Variants in BTBD8 observed in about 807,000 individuals in gnomAD.
BTBD8 encodes the protein BTB domain containing 8, also known as BTB/POZ domain-containing protein 8.
A neutral mutation model predicts 162.9 loss-of-function variants in BTBD8; 110 were observed. The ratio of observed to expected loss-of-function variants is 0.68; its 90% CI spans 0.58 to 0.79. BTBD8 has a LOEUF of 0.79. Among genes scored for constraint, BTBD8 ranks in the 30% least tolerant of loss-of-function variants. The probability of loss-of-function intolerance (pLI) is 0.00; values close to 1 mark genes in which losing one functional copy is unlikely to be tolerated. For missense variants in BTBD8, 1,905 were observed against 2,085.4 expected, an observed-to-expected ratio of 0.91 and a Z score of 1.68; for synonymous variants, 667 against 716.1, an observed-to-expected ratio of 0.93 and a Z score of 1.10.
At position 92,177,318 on chromosome 1, in the gene BTBD8, T is replaced by C. The variant is rs766568976; in HGVS notation, c.2125T>C (p.Leu709=). 1.3e-6 allele frequency: 2 copies of C among 1,551,908 alleles called. No homozygotes were observed. Among genetic ancestry groups the C allele is most frequent in the East Asian group, 2.4e-5 (1 of 40,922 alleles). ...NLNVQAKAKP[L]KKATGKDSPC... is the part of the protein sequence containing the mutation. The stretch of plus-strand genomic sequence containing the variant: ...AAATGTGCAAGCCAAAGCAAAGCCT[T>C]TGAAGAAAGCTACAGGGAAGGATTC... The change falls in exon 14 of 18, where the codon TTG becomes CTG. Residue 709 remains leucine (L), a synonymous_variant. Transcript: ENST00000636805.
At chr1:92,157,496 A>G (rs1267226646) in intron 9 of BTBD8, among the ~76,000 whole-genome samples, 2 of 151,838 alleles carry the variant, frequency 1.3e-5, no homozygotes, top group African/African-American at 4.8e-5. Flanking sequence ...CATTATTCTT[A>G]TTTACTTATT....
intron 5 of BTBD8, among the ~76,000 whole-genome samples, chr1:92,131,214 A>G (rs1271200003): frequency 6.6e-6 from 1 of 152,198 alleles, no homozygotes; most frequent in Non-Finnish European, 1.5e-5. Context: ...TGGCTGTTCA[A>G]TGGTCTTTAT....
chr1:92,097,436 G>T (rs1400079806), intron 2 of BTBD8, among the ~76,000 whole-genome samples: 2 of 152,004 alleles, frequency 1.3e-5, no homozygotes, highest in Admixed American at 1.3e-4. Flanking sequence ...AAGTGTATGA[G>T]TCAGTGGTTT....
intron 3 of BTBD8, among the ~76,000 whole-genome samples, chr1:92,103,568 C>A (rs1648652572): frequency 6.6e-6 from 1 of 152,154 alleles, no homozygotes. Flanking sequence ...TGTTACCTAG[C>A]CCATGCAGTG....
intron 1 of BTBD8, among the ~76,000 whole-genome samples, chr1:92,084,107 A>C (rs1486657824): frequency 6.6e-6 from 1 of 152,160 alleles, no homozygotes; most frequent in Non-Finnish European, 1.5e-5. Context: ...TGCCAATTTT[A>C]CCAACTCGTG....
In BTBD8 at chr1:92,112,423, T is replaced by A. The variant is rs576802817; in HGVS notation, c.662+4422T>A. On this transcript the variant is annotated intron_variant, in intron 4 of 17. Transcript: ENST00000636805. The stretch of plus-strand genomic sequence containing the variant: ...GTCTCAAAAAAAATTAAAATCAAAC[T>A]AGGTATCATAGTGTATATATGTATT... Among the ~76,000 whole-genome samples the A allele has an allele frequency of 3.0e-4, 46 of 152,074 alleles. 1 individual carries two copies. Among genetic ancestry groups the A allele is most frequent in the Admixed American group, 2.9e-3 (45 of 15,258 alleles).
Position 92,180,765 on chromosome 1 carries a change from T to A in BTBD8, c.3082T>A (p.Cys1028Ser). ...AGAAAAAGAGAAGTTGGCGTTAGAATGCCAAAATATTTCAAAGCTGGATAA... is the reference window on the plus strand; with the variant it reads ...AGAAAAAGAGAAGTTGGCGTTAGAAAGCCAAAATATTTCAAAGCTGGATAA... ...DQEKEKLALECQNISKLDKSL... is the reference protein window; with the variant it reads ...DQEKEKLALESQNISKLDKSL... The change falls in exon 17 of 18, where the codon TGC (cysteine) becomes AGC (serine). Residue 1028 changes from cysteine (C) to serine (S), a missense_variant. This residue lies in a region of BTBD8 where 1,374 missense variants were observed against 1,442.7 expected (regional missense o/e 0.95). Coordinates refer to ENST00000636805, the MANE Select transcript of BTBD8 (RefSeq NM_001376131.1). The A allele has an allele frequency of 6.4e-7, 1 of 1,551,698 alleles. No individual in the cohort carries two copies. The highest frequency in any genetic ancestry group is 1.7e-4 in the Middle Eastern group (1 of 5,992).
chr1:92,138,343 A>G (rs577558105), intron 5 of BTBD8, among the ~76,000 whole-genome samples: 1 of 152,384 alleles, frequency 6.6e-6, no homozygotes, highest in African/African-American at 2.4e-5. Context: ...TTTTGTGTAT[A>G]TTGAACCATC....
At position 92,151,781 on chromosome 1, in the gene BTBD8, T is replaced by C. The variant is rs550716976; in HGVS notation, c.1122+3995T>C. Among the ~76,000 whole-genome samples the C allele has an allele frequency of 6.6e-5, 10 of 152,320 alleles. No homozygotes were observed. In the East Asian group the frequency reaches 1.7e-3, roughly 26 times the overall value. On this transcript the variant is annotated intron_variant, in intron 9 of 17. Transcript: ENST00000636805. ...ATTCTCATGGCTTAGCTCCCACTTA[T>C]AAGTGAATGGAATATATACAGTATT...
At chr1:92,099,814 A>C (rs936537940) in intron 2 of BTBD8, among the ~76,000 whole-genome samples, 4 of 152,238 alleles carry the variant, frequency 2.6e-5, no homozygotes, top group Non-Finnish European at 5.9e-5. Flanking sequence ...ATCTATAAAT[A>C]AAGATAGCTT....
chr1:92,151,659 T>G (rs1005193195), intron 9 of BTBD8, among the ~76,000 whole-genome samples: 1 of 152,188 alleles, frequency 6.6e-6, no homozygotes, highest in East Asian at 1.9e-4. Context: ...CAATGTACAC[T>G]GCACCCAATA....
In BTBD8 at chr1:92,182,064, G is replaced by T. The variant is rs781473627; in HGVS notation, c.4381G>T (p.Ala1461Ser). The T allele has an allele frequency of 5.7e-5, 89 of 1,551,394 alleles. 1 individual carries two copies. In the East Asian group the frequency reaches 2.1e-3, roughly 36 times the overall value. Residue 1461 changes from alanine to serine, a missense_variant, in exon 17 of 18, where the codon GCT (alanine) becomes TCT (serine). Physicochemically the swap from Ala to Ser is moderately conservative, Grantham distance 99. Around this residue, in one of 3 missense-constraint regions of BTBD8, gnomAD observed 517 missense variants for 606.6 expected, o/e 0.85. Transcript: ENST00000636805. ...DEGEVHTPFQ[A>S]SVDSFSPSDV... The stretch of plus-strand genomic sequence containing the variant: ...AGGAGAAGTCCATACTCCCTTTCAG[G>T]CTTCTGTAGATTCTTTTTCACCTTC...
chr1:92,182,381 T>G lies in BTBD8; in HGVS notation c.4698T>G (p.Ile1566Met). The G allele has an allele frequency of 1.3e-6, 2 of 1,549,646 alleles. No homozygotes were observed. Among genetic ancestry groups the G allele is most frequent in the Non-Finnish European group, 1.7e-6 (2 of 1,146,418 alleles). ...VNNGSNVEND[I>M]QQRSKFLDSD... is the part of the protein sequence containing the mutation. ...ATGGAAGCAATGTGGAAAATGACAT[T>G]CAGCAACGCAGCAAATTCTTGGATA... Residue 1566 changes from isoleucine (I) to methionine (M), a missense_variant, in exon 17 of 18, where the codon ATT becomes ATG. Ile to Met is a conservative substitution (Grantham distance 10). Transcript: ENST00000636805.
chr1:92,127,393 A>C (rs1367863926), intron 4 of BTBD8, among the ~76,000 whole-genome samples: 6 of 152,186 alleles, frequency 3.9e-5, no homozygotes, highest in South Asian at 2.1e-4. Context: ...TATCAAGCTG[A>C]TTCCAGGAGA....
intron 8 of BTBD8, 54 bp from the exon 9 acceptor site, chr1:92,147,629 AT>A: frequency 7.1e-7 from 1 of 1,417,318 alleles, no homozygotes. Context: ...AATATTGACT[AT>A]TATAATGAAA....
rs760963436 is a variant in BTBD8, at chr1:92,180,246, AC to A, written c.2582-16del. The A allele has an allele frequency of 2.7e-6, 4 of 1,499,020 alleles. No homozygotes were observed. The South Asian group carries it at 5.3e-5, about 20-fold the overall frequency. The allele number at this position is 1,499,020 out of a possible 1,614,324, so 92.9% of individuals were successfully genotyped here. A position where few individuals can be genotyped will look rare whatever the true frequency, so the allele number is the denominator to read the frequency against. The stretch of plus-strand genomic sequence containing the variant: ...GAGGTGATATTACATTACTGAATAT[AC>A]CCTCTTACTTTTCTTAGGATCCCAA... On this transcript the variant is annotated intron_variant, in intron 16 of 17. Coordinates refer to ENST00000636805, the MANE Select transcript of BTBD8 (RefSeq NM_001376131.1).
At chr1:92,113,259 T>G (rs1028608480) in intron 4 of BTBD8, among the ~76,000 whole-genome samples, 3 of 152,250 alleles carry the variant, frequency 2.0e-5, no homozygotes, top group Non-Finnish European at 4.4e-5. Flanking sequence ...AGTAATTGTT[T>G]AAGCCTCAGA....
At position 92,080,423 on chromosome 1, in the gene BTBD8, A is replaced by T; in HGVS notation, c.-149A>T. On this transcript the variant is annotated 5_prime_UTR_variant, in exon 1 of 18. Transcript: ENST00000636805. ...GTCCGGCTTCTCTGGGAGACTGTCTACAAACCGACGAGAGGCGTCAACCTT... is the reference window on the plus strand; with the variant it reads ...GTCCGGCTTCTCTGGGAGACTGTCTTCAAACCGACGAGAGGCGTCAACCTT... 1 of 1,196,172 alleles carries T rather than the reference A, an allele frequency of 8.4e-7. No homozygotes were observed. The highest frequency in any genetic ancestry group is 1.1e-6 in the Non-Finnish European group (1 of 876,916). 74.1% of individuals were successfully genotyped at this position (1,196,172 alleles called of 1,614,324 possible). A position where few individuals can be genotyped will look rare whatever the true frequency, so the allele number is the denominator to read the frequency against.
intron 4 of BTBD8, among the ~76,000 whole-genome samples, chr1:92,113,730 A>G (rs1158775485): frequency 6.6e-6 from 1 of 150,720 alleles, no homozygotes; most frequent in Admixed American, 6.6e-5. Flanking sequence ...TTAGAGGGGT[A>G]GGCCCGGTGC....
Sources: gnomAD v4.1 joint callset for allele counts (sites outside exome capture counted in the v4.1 genomes callset) on GRCh38, gnomAD v4.1.1 for gene constraint, gnomAD v4.1.1 regional missense constraint, MANE v1.5 for transcripts, NCBI Gene and HGNC (gene_info 2026-07-23, HGNC 2026-07-21) for gene names.